COQ3: variants seen among roughly 807,000 people sequenced by gnomAD.
COQ3 encodes the protein ubiquinone biosynthesis O-methyltransferase, mitochondrial.
Under a neutral mutation model 33.1 loss-of-function variants are expected in COQ3, and 29 were observed. The observed-to-expected ratio is 0.88, with a 90% CI of 0.65 to 1.19. The LOEUF is 1.19. COQ3 is among the 50% of genes most tolerant of loss of function. The probability of loss-of-function intolerance (pLI) is 0.00; values close to 1 mark genes in which losing one functional copy is unlikely to be tolerated. For synonymous variants in COQ3, 173 were observed against 157.8 expected, an observed-to-expected ratio of 1.10 and a Z score of -0.72; for missense variants, 437 against 430.7, an observed-to-expected ratio of 1.01 and a Z score of -0.13.
chr6:99,386,979 T>C (rs1239639215), intron 1 of COQ3, among the ~76,000 whole-genome samples: 1 of 152,104 alleles, frequency 6.6e-6, no homozygotes, highest in African/African-American at 2.4e-5. Flanking sequence ...CAGCAAAGAC[T>C]ACAGACCAAT....
At chr6:99,392,439 G>C (rs1049762276) in intron 1 of COQ3, among the ~76,000 whole-genome samples, 2 of 152,148 alleles carry the variant, frequency 1.3e-5, no homozygotes, top group African/African-American at 2.4e-5. Flanking sequence ...CCGCGGGATA[G>C]TCTACCTCAG....
At position 99,370,173 on chromosome 6, in the gene COQ3, A is replaced by G. The variant is rs551721835; in HGVS notation, c.890-353T>C. Among the ~76,000 whole-genome samples, 5 of 152,292 alleles carry G rather than the reference A, an allele frequency of 3.3e-5. No individual in the cohort carries two copies. The South Asian group carries it at 1.0e-3, about 32-fold the overall frequency. On this transcript the variant is annotated intron_variant, in intron 6 of 6. Transcript: ENST00000254759. ...ACAGAACTTGTATCATAGAACTGTT[A>G]GAATTAGATGAGCTATATGTGTAAA... is the stretch of plus-strand genomic sequence containing the variant.
rs775701126 is a variant in COQ3 at position 99,377,415 on chromosome 6, C to A, written c.457G>T (p.Val153Phe). The change falls in exon 4 of 7, where the codon GTT becomes TTT. Residue 153 changes from valine (V) to phenylalanine (F), a missense_variant. By Grantham distance (50) the Val-to-Phe change is conservative. Coordinates refer to ENST00000254759, the MANE Select transcript of COQ3 (RefSeq NM_017421.4). ...KPLLGMKILD[V>F]GCGGGLLTEP... is the part of the protein sequence containing the mutation. ...GTTAACAGCCCACCACCACAGCCAA[C>A]GTCAAGAATCTTCATCCCCAACAAA... 10 of 1,613,364 alleles carry A rather than the reference C, an allele frequency of 6.2e-6. No individual in the cohort carries two copies. The South Asian group carries it at 1.1e-4, about 18-fold the overall frequency.
chr6:99,369,874 T>A, intron 6 of COQ3, 54 bp from the exon 7 acceptor site: 1 of 1,174,194 alleles, frequency 8.5e-7, no homozygotes, highest in Non-Finnish European at 1.2e-6. Context: ...TTCCTTCCAA[T>A]TTCCAAGAGT....
intron 1 of COQ3, 28 bp downstream of exon 1, chr6:99,394,046 T>C (rs1348006967): frequency 2.5e-6 from 4 of 1,582,808 alleles, no homozygotes; most frequent in African/African-American, 2.7e-5. Context: ...ATTGACTGCA[T>C]GCGAAGGACC....
chr6:99,376,994 A>ATGTGTGTGTG (rs140372356), intron 4 of COQ3, among the ~76,000 whole-genome samples: 2,012 of 138,988 alleles, frequency 0.014, 23 homozygotes, highest in Non-Finnish European at 0.022. Flanking sequence ...AATATTATGG[A>ATGTGTGTGTG]TGTGTGTGTG....
At chr6:99,371,282 T>A (rs537203729) in intron 6 of COQ3, 146 bp downstream of exon 6, 2 of 555,838 alleles carry the variant, frequency 3.6e-6, no homozygotes, top group Non-Finnish European at 6.1e-6. Context: ...TTCCATGAGT[T>A]TATGACCTAG....
intron 6 of COQ3, among the ~76,000 whole-genome samples, chr6:99,371,156 T>C (rs1774131764): frequency 6.6e-6 from 1 of 152,180 alleles, no homozygotes; most frequent in Non-Finnish European, 1.5e-5. Context: ...ATCTCTTTCC[T>C]AAACAAGTGA....
chr6:99,390,531 A>T (rs887323537), intron 1 of COQ3, among the ~76,000 whole-genome samples: 1 of 152,024 alleles, frequency 6.6e-6, no homozygotes. Context: ...GACGGGTTTC[A>T]CCGTGTTAGC....
intron 5 of COQ3, among the ~76,000 whole-genome samples, chr6:99,373,476 T>C (rs1327645357): frequency 6.6e-6 from 1 of 151,850 alleles, no homozygotes; most frequent in African/African-American, 2.4e-5. Flanking sequence ...ATCTGTGTTC[T>C]ACATACTCGT....
chr6:99,371,244 GA>G (rs1774134027), intron 6 of COQ3, among the ~76,000 whole-genome samples, 183 bp downstream of exon 6: 1 of 152,162 alleles, frequency 6.6e-6, no homozygotes, highest in African/African-American at 2.4e-5. Flanking sequence ...AGGTAAAAGA[GA>G]AGTGGTATCT....
At chr6:99,391,074 A>ATTTT (rs1230525777) in intron 1 of COQ3, among the ~76,000 whole-genome samples, 3 of 110,160 alleles carry the variant, frequency 2.7e-5, no homozygotes, top group South Asian at 7.7e-4. Context: ...GCTTTTGCTC[A>ATTTT]TTTTATTTAT....
intron 1 of COQ3, among the ~76,000 whole-genome samples, chr6:99,387,368 T>C (rs1199866122): frequency 6.6e-6 from 1 of 152,080 alleles, no homozygotes. Context: ...GGAAGACTGT[T>C]TGAGCCTGAG....
chr6:99,377,569 ATAT>A (rs1774333694), intron 3 of COQ3, 84 bp from the exon 4 acceptor site: 3 of 764,608 alleles, frequency 3.9e-6, no homozygotes, highest in Non-Finnish European at 6.2e-6. Flanking sequence ...TTTCAAGGAA[ATAT>A]TAACCTCCAT....
At chr6:99,380,432 C>T (rs1774439913) in intron 2 of COQ3, 91 bp from the exon 3 acceptor site, 4 of 1,354,174 alleles carry the variant, frequency 3.0e-6, no homozygotes, top group South Asian at 2.7e-5. Context: ...GTCTTATTTA[C>T]AATTTATTAT....
intron 1 of COQ3, 33 bp from the exon 2 acceptor site, chr6:99,383,857 C>A: frequency 6.6e-7 from 1 of 1,508,854 alleles, no homozygotes; most frequent in Non-Finnish European, 8.9e-7. Flanking sequence ...TAGAGAAAAG[C>A]TTTGCACAGT....
Position 99,369,651 on chromosome 6 carries a change from G to A in COQ3, c.1059C>T (p.Leu353=). ...EFVLKGETEE[L]QANACTNPAV... is the part of the protein sequence containing the mutation. ...CTGGATTGGTGCAGGCATTAGCTTGGAGCTCTTCTGTTTCTCCCTTTAAAA... is the reference window on the plus strand; with the variant it reads ...CTGGATTGGTGCAGGCATTAGCTTGAAGCTCTTCTGTTTCTCCCTTTAAAA... The change falls in exon 7 of 7, where the codon CTC becomes CTT. Residue 353 remains leucine, a synonymous_variant. Transcript: ENST00000254759. The A allele has an allele frequency of 6.2e-7, 1 of 1,613,992 alleles. No homozygotes were observed. Among genetic ancestry groups the A allele is most frequent in the Non-Finnish European group, 8.5e-7 (1 of 1,180,004 alleles).
At chr6:99,382,153 A>G (rs886965908) in intron 2 of COQ3, among the ~76,000 whole-genome samples, 1 of 152,176 alleles carries the variant, frequency 6.6e-6, no homozygotes, top group African/African-American at 2.4e-5. Flanking sequence ...AGTTCCTGGA[A>G]CATGGTGCTC....
chr6:99,369,688 G>A lies in COQ3; in HGVS notation c.1022C>T (p.Ser341Phe). ...TTCTCCCTTTAAAACAAACTCAGCAGAGGCTGGGTGTTCCTGGACCCTGGA... is the reference window on the plus strand; with the variant it reads ...TTCTCCCTTTAAAACAAACTCAGCAAAGGCTGGGTGTTCCTGGACCCTGGA... ...VKSRVQEHPA[S>F]AEFVLKGETE... The change falls in exon 7 of 7, where the codon TCT (serine) becomes TTT (phenylalanine). Residue 341 changes from serine (S) to phenylalanine (F), a missense_variant. Ser to Phe is a radical substitution (Grantham distance 155, BLOSUM62 -2). Transcript: ENST00000254759. The A allele has an allele frequency of 1.2e-6, 2 of 1,614,048 alleles. No homozygotes were observed. Among genetic ancestry groups the A allele is most frequent in the Non-Finnish European group, 1.7e-6 (2 of 1,179,966 alleles).
Sources: gnomAD v4.1 joint callset for allele counts (sites outside exome capture counted in the v4.1 genomes callset) on GRCh38, gnomAD v4.1.1 for gene constraint, MANE v1.5 for transcripts, NCBI Gene and HGNC (gene_info 2026-07-23, HGNC 2026-07-21) for gene names.